The following CDK19 variants were observed in gnomAD, a reference collection of about 807,000 sequenced individuals.
CDK19 encodes cyclin dependent kinase 19.
Under a neutral mutation model 68.3 loss-of-function variants are expected in CDK19, and 20 were observed. The ratio of observed to expected loss-of-function variants is 0.29; its 90% CI spans 0.21 to 0.43. The LOEUF is 0.43. Ranked by LOEUF, CDK19 falls within the 20% of genes least tolerant of loss-of-function variation. CDK19 has a pLI of 1.00. For missense variants in CDK19, 339 were observed against 623.5 expected (o/e 0.54, Z 4.86); for synonymous variants, 221 against 222.8 (o/e 0.99, Z 0.07).
At chr6:110,702,450 CA>C (rs11297898) in intron 2 of CDK19, among the ~76,000 whole-genome samples, 144,717 of 149,812 alleles carry the variant, frequency 0.97, 70,070 homozygotes, top group Middle Eastern at 1. Flanking sequence ...CCAGCTCTAC[CA>C]AAAAAAAAAA....
chr6:110,665,877 G>A lies in CDK19; in HGVS notation c.456+1557C>T, dbSNP rs551860134. On this transcript the variant is annotated intron_variant, in intron 4 of 12. Transcript: ENST00000368911. ...CTCCCACCTCAGCCTTCCAAACAGCGAGGACCACAGGAGCACACCACGCCC... is the reference window on the plus strand; with the variant it reads ...CTCCCACCTCAGCCTTCCAAACAGCAAGGACCACAGGAGCACACCACGCCC... Among the ~76,000 whole-genome samples the A allele has an allele frequency of 1.9e-4, 29 of 151,934 alleles. 1 individual carries two copies. The South Asian group carries it at 5.8e-3, about 31-fold the overall frequency.
intron 1 of CDK19, among the ~76,000 whole-genome samples, chr6:110,774,380 G>T (rs2115006106): frequency 6.6e-6 from 1 of 152,274 alleles, no homozygotes. Flanking sequence ...TATACACACT[G>T]TTTTTTAATC....
intron 12 of CDK19, among the ~76,000 whole-genome samples, chr6:110,619,068 G>A (rs546829894): frequency 1.2e-4 from 18 of 152,150 alleles, no homozygotes; most frequent in African/African-American, 3.9e-4. Flanking sequence ...TTGCAAGTTC[G>A]GTGTAATGGG....
chr6:110,665,016 G>A (rs1213167953), intron 4 of CDK19, among the ~76,000 whole-genome samples: 2 of 152,174 alleles, frequency 1.3e-5, no homozygotes, highest in African/African-American at 4.8e-5. Context: ...AGATGACAGG[G>A]ATAGAGAAAA....
intron 2 of CDK19, among the ~76,000 whole-genome samples, chr6:110,735,082 A>G (rs536089201): frequency 6.6e-6 from 1 of 151,864 alleles, no homozygotes; most frequent in Admixed American, 6.6e-5. Context: ...ATTTTAGATA[A>G]TAGTCCACAA....
At chr6:110,759,583 T>C (rs920064595) in intron 1 of CDK19, among the ~76,000 whole-genome samples, 1 of 150,620 alleles carries the variant, frequency 6.6e-6, no homozygotes, top group Non-Finnish European at 1.5e-5. Flanking sequence ...AGCCCAGCAG[T>C]TCAAGGCCAA....
At chr6:110,804,988 G>A (rs1465334261) in intron 1 of CDK19, among the ~76,000 whole-genome samples, 1 of 151,642 alleles carries the variant, frequency 6.6e-6, no homozygotes, top group African/African-American at 2.4e-5. Context: ...TGTTATTTGA[G>A]GACTTTACAG....
intron 1 of CDK19, among the ~76,000 whole-genome samples, chr6:110,754,379 G>GT (rs1209870916): frequency 6.6e-6 from 1 of 151,924 alleles, no homozygotes; most frequent in South Asian, 2.1e-4. Context: ...TTTAAAAAAT[G>GT]TATCTGCAGT....
intron 1 of CDK19, among the ~76,000 whole-genome samples, chr6:110,747,568 G>A (rs1047442663): frequency 6.6e-6 from 1 of 151,928 alleles, no homozygotes; most frequent in African/African-American, 2.4e-5. Flanking sequence ...TATGTTGAAG[G>A]CAATACAAAA....
chr6:110,640,225 CT>C (rs1780051064), intron 4 of CDK19, among the ~76,000 whole-genome samples: 1 of 109,798 alleles, frequency 9.1e-6, no homozygotes, highest in South Asian at 3.7e-4. Context: ...GAGCAAGACC[CT>C]GTCACAAAAA....
At chr6:110,748,669 T>C (rs950571692) in intron 1 of CDK19, among the ~76,000 whole-genome samples, 4 of 152,236 alleles carry the variant, frequency 2.6e-5, no homozygotes, top group African/African-American at 9.6e-5. Flanking sequence ...TTTGGGCATA[T>C]GCCAACACCT....
intron 2 of CDK19, among the ~76,000 whole-genome samples, chr6:110,702,721 T>C (rs570171026): frequency 6.6e-6 from 1 of 152,272 alleles, no homozygotes; most frequent in East Asian, 1.9e-4. Context: ...AGACATAATA[T>C]TAAGTGATAA....
At chr6:110,703,416 C>A (rs1471508993) in intron 2 of CDK19, among the ~76,000 whole-genome samples, 1 of 151,922 alleles carries the variant, frequency 6.6e-6, no homozygotes, top group African/African-American at 2.4e-5. Context: ...TATGTCAATT[C>A]TTAGTATGAC....
chr6:110,720,692 C>CCGAGA (rs1775800456), intron 2 of CDK19, among the ~76,000 whole-genome samples: 1 of 151,788 alleles, frequency 6.6e-6, no homozygotes, highest in Non-Finnish European at 1.5e-5. Context: ...CATGGTGAAA[C>CCGAGA]CCTGTCTCTA....
At chr6:110,646,422 T>A in intron 4 of CDK19, 1 of 1,495,142 alleles carries the variant, frequency 6.7e-7, no homozygotes, top group African/African-American at 1.4e-5. Flanking sequence ...GACATGGCCT[T>A]CCCGCGCCGC....
At chr6:110,733,449 TC>T (rs1229043683) in intron 2 of CDK19, among the ~76,000 whole-genome samples, 1 of 152,194 alleles carries the variant, frequency 6.6e-6, no homozygotes, top group Non-Finnish European at 1.5e-5. Flanking sequence ...CATTAATTTC[TC>T]TTGGGTACAA....
At chr6:110,617,885 A>C (rs1778441983) in intron 12 of CDK19, among the ~76,000 whole-genome samples, 1 of 147,598 alleles carries the variant, frequency 6.8e-6, no homozygotes, top group Non-Finnish European at 1.5e-5. Context: ...AAAAAAAAAA[A>C]GACTACATGA....
chr6:110,720,963 C>T (rs887216287), intron 2 of CDK19, among the ~76,000 whole-genome samples: 35 of 151,502 alleles, frequency 2.3e-4, no homozygotes, highest in African/African-American at 1.2e-4. Flanking sequence ...TGGGGTCAGG[C>T]GTGGTGGCCC....
chr6:110,625,997 A>C (rs1376161903), intron 8 of CDK19, among the ~76,000 whole-genome samples: 1 of 152,182 alleles, frequency 6.6e-6, no homozygotes, highest in Non-Finnish European at 1.5e-5. Context: ...TTTCTGCTCA[A>C]AGTAAATGCC....
Sources: gnomAD v4.1 joint callset for allele counts (sites outside exome capture counted in the v4.1 genomes callset) on GRCh38, gnomAD v4.1.1 for gene constraint, MANE v1.5 for transcripts, NCBI Gene and HGNC (gene_info 2026-07-23, HGNC 2026-07-21) for gene names.